Variants in CDADC1 observed in about 807,000 individuals in gnomAD.
CDADC1 encodes the protein cytidine and dCMP deaminase domain containing 1.
Under a neutral mutation model 54.9 loss-of-function variants are expected in CDADC1, and 39 were observed. The observed-to-expected ratio is 0.71, with a 90% CI of 0.55 to 0.93. The LOEUF is 0.93. Among genes scored for constraint, CDADC1 ranks in the 40% least tolerant of loss-of-function variants. The probability of loss-of-function intolerance (pLI) is 0.00; values close to 1 mark genes in which losing one functional copy is unlikely to be tolerated. For synonymous variants in CDADC1, 186 were observed against 204.0 expected, an observed-to-expected ratio of 0.91 and a Z score of 0.75; for missense variants, 518 against 618.8, an observed-to-expected ratio of 0.84 and a Z score of 1.73.
intron 2 of CDADC1, among the ~76,000 whole-genome samples, chr13:49,250,137 A>G (rs889006803): frequency 6.6e-6 from 1 of 152,176 alleles, no homozygotes. Context: ...TTACTCTTAC[A>G]AAGTTGTAGT....
intron 4 of CDADC1, among the ~76,000 whole-genome samples, chr13:49,261,578 G>A (rs893992100): frequency 6.6e-6 from 1 of 152,246 alleles, no homozygotes; most frequent in African/African-American, 2.4e-5. Context: ...AGAGATTAGA[G>A]ATTGGGAGCT....
At chr13:49,280,390 T>C in intron 7 of CDADC1, 119 bp from the exon 8 acceptor site, 1 of 454,050 alleles carries the variant, frequency 2.2e-6, no homozygotes, top group Non-Finnish European at 3.8e-6. Flanking sequence ...ATGATCATTA[T>C]TAATAATGTC....
chr13:49,252,930 C>A (rs1187423281), intron 2 of CDADC1, among the ~76,000 whole-genome samples: 17 of 152,074 alleles, frequency 1.1e-4, no homozygotes, highest in Admixed American at 1.1e-3. Flanking sequence ...AAATGTTGCC[C>A]AATTTTGTGC....
At chr13:49,255,943 CT>C (rs1952536145) in intron 3 of CDADC1, 30 bp downstream of exon 3, 1 of 1,595,080 alleles carries the variant, frequency 6.3e-7, no homozygotes, top group South Asian at 1.2e-5. Flanking sequence ...CATATATATG[CT>C]CATAATAACA....
At chr13:49,288,061 G>A (rs556174812) in intron 9 of CDADC1, among the ~76,000 whole-genome samples, 2 of 151,858 alleles carry the variant, frequency 1.3e-5, no homozygotes, top group South Asian at 4.2e-4. Flanking sequence ...AATCAACAAA[G>A]GGCTTGTATC....
chr13:49,282,150 C>T (rs1227099984), intron 8 of CDADC1, among the ~76,000 whole-genome samples: 1 of 150,256 alleles, frequency 6.7e-6, no homozygotes, highest in Non-Finnish European at 1.5e-5. Flanking sequence ...TTGATAGTTC[C>T]AAAAATGTAC....
intron 2 of CDADC1, among the ~76,000 whole-genome samples, chr13:49,251,527 A>G (rs1247123134): frequency 6.6e-6 from 1 of 152,154 alleles, no homozygotes; most frequent in Non-Finnish European, 1.5e-5. Flanking sequence ...TTTTTTATAT[A>G]CACACCACAT....
At chr13:49,269,096 T>C (rs1222855855) in intron 5 of CDADC1, among the ~76,000 whole-genome samples, 4 of 152,116 alleles carry the variant, frequency 2.6e-5, no homozygotes. Flanking sequence ...TAAGATTTGT[T>C]TGGGGAGTGT....
chr13:49,285,801 T>C (rs1953496856), intron 8 of CDADC1, among the ~76,000 whole-genome samples: 1 of 149,952 alleles, frequency 6.7e-6, no homozygotes, highest in African/African-American at 2.5e-5. Flanking sequence ...AACTTCTTTT[T>C]CTTCTATTTT....
At position 49,274,308 on chromosome 13, in the gene CDADC1, GT is replaced by G; in HGVS notation, c.1020del (p.Ala342GlnfsTer21). On this transcript the variant is annotated frameshift_variant, in exon 6 of 10. Coordinates refer to ENST00000251108, the MANE Select transcript of CDADC1 (RefSeq NM_030911.4). LOFTEE classifies it high-confidence loss of function. Reference protein sequence around the residue: ...AYRTEDHKTGVGAVIWAEGKS... With the variant: ...AYRTEDHKTGXGAVIWAEGKS... Reference sequence around the variant, plus strand: ...TCTTTCAGAGGATCATAAAACAGGAGTTGGGGCAGTCATTTGGGCAGAAGGG... The same window carrying G: ...TCTTTCAGAGGATCATAAAACAGGAGTGGGGCAGTCATTTGGGCAGAAGGG... 1 of 1,610,772 alleles carries G rather than the reference GT, an allele frequency of 6.2e-7. No homozygotes were observed. The highest frequency in any genetic ancestry group is 1.7e-4 in the Middle Eastern group (1 of 6,054).
chr13:49,265,584 A>G (rs1952796437), intron 4 of CDADC1, among the ~76,000 whole-genome samples: 1 of 152,094 alleles, frequency 6.6e-6, no homozygotes, highest in African/African-American at 2.4e-5. Flanking sequence ...CATTCTTACA[A>G]ATTTTTGTTT....
At position 49,250,110 on chromosome 13, in the gene CDADC1, C is replaced by G. The variant is rs1034679927; in HGVS notation, c.177+1145C>G. ...ATATTTTGGTGCTTCCAATCTTAAG[C>G]ATGAGGTTTTTTATTTTTACTCTTA... is the stretch of plus-strand genomic sequence containing the variant. On this transcript the variant is annotated intron_variant, in intron 2 of 9. Coordinates refer to ENST00000251108, the MANE Select transcript of CDADC1 (RefSeq NM_030911.4). Among the ~76,000 whole-genome samples, 9 of 152,278 alleles carry G rather than the reference C, an allele frequency of 5.9e-5. No homozygotes were observed. In the South Asian group the frequency reaches 1.9e-3, roughly 32 times the overall value.
intron 5 of CDADC1, among the ~76,000 whole-genome samples, chr13:49,269,735 G>T (rs1487734461): frequency 6.6e-6 from 1 of 152,140 alleles, no homozygotes; most frequent in East Asian, 1.9e-4. Context: ...AGAGTAAGAG[G>T]GCGATGTGAA....
intron 5 of CDADC1, among the ~76,000 whole-genome samples, chr13:49,270,739 C>A (rs1490955546): frequency 6.6e-6 from 1 of 152,132 alleles, no homozygotes; most frequent in Non-Finnish European, 1.5e-5. Flanking sequence ...GATTTCAGAT[C>A]AGGGACTCTG....
At chr13:49,286,358 T>C in intron 9 of CDADC1, 76 bp downstream of exon 9, 1 of 1,058,840 alleles carries the variant, frequency 9.4e-7, no homozygotes, top group Non-Finnish European at 1.5e-6. Flanking sequence ...GATCAGGTGA[T>C]GAAAATTGTG....
intron 9 of CDADC1, among the ~76,000 whole-genome samples, chr13:49,290,552 G>A (rs547735145): frequency 6.6e-6 from 1 of 152,240 alleles, no homozygotes; most frequent in Admixed American, 6.5e-5. Flanking sequence ...GAAACAGCAG[G>A]GCAGAACATA....
intron 8 of CDADC1, among the ~76,000 whole-genome samples, chr13:49,284,942 A>G (rs1400802590): frequency 1.3e-5 from 2 of 152,188 alleles, no homozygotes; most frequent in Non-Finnish European, 2.9e-5. Context: ...GCTGTGCTAT[A>G]AGATACCGAT....
At chr13:49,289,233 A>T (rs1427801392) in intron 9 of CDADC1, among the ~76,000 whole-genome samples, 1 of 141,992 alleles carries the variant, frequency 7.0e-6, no homozygotes, top group African/African-American at 2.6e-5. Context: ...GGTTCAAGAG[A>T]TTCTCCTGCC....
At chr13:49,261,208 G>A (rs1952676372) in intron 4 of CDADC1, among the ~76,000 whole-genome samples, 1 of 152,174 alleles carries the variant, frequency 6.6e-6, no homozygotes, top group African/African-American at 2.4e-5. Flanking sequence ...TCAGATCTAT[G>A]TCAAGGTCAG....
Sources: gnomAD v4.1 joint callset for allele counts (sites outside exome capture counted in the v4.1 genomes callset) on GRCh38, gnomAD v4.1.1 for gene constraint, MANE v1.5 for transcripts, NCBI Gene and HGNC (gene_info 2026-07-23, HGNC 2026-07-21) for gene names.